The following BPTF variants were observed in gnomAD, a reference collection of about 807,000 sequenced individuals.
The protein encoded by BPTF is bromodomain PHD finger transcription factor.
BPTF carries 18 observed loss-of-function variants against 292.5 expected under a neutral mutation model. The observed-to-expected ratio is 0.06, with a 90% CI of 0.04 to 0.09. BPTF has a LOEUF of 0.09. Ranked by LOEUF, BPTF falls within the 10% of genes least tolerant of loss-of-function variation. The probability of loss-of-function intolerance (pLI) is 1.00; values close to 1 mark genes in which losing one functional copy is unlikely to be tolerated. For synonymous variants in BPTF, 1,225 were observed against 1,251.9 expected, an observed-to-expected ratio of 0.98 and a Z score of 0.45; for missense variants, 2,726 against 3,498.7, an observed-to-expected ratio of 0.78 and a Z score of 5.57.
chr17:67,952,406 G>A (rs1207078501), intron 23 of BPTF, among the ~76,000 whole-genome samples: 1 of 151,854 alleles, frequency 6.6e-6, no homozygotes, highest in Non-Finnish European at 1.5e-5. Context: ...TGGGATTACA[G>A]ACACCTGCTA....
At chr17:67,964,833 A>T (rs184172433) in intron 25 of BPTF, among the ~76,000 whole-genome samples, 4 of 150,782 alleles carry the variant, frequency 2.7e-5, no homozygotes, top group Admixed American at 2.7e-4. Context: ...CCCCGTCTCT[A>T]CTAAAAATAC....
intron 26 of BPTF, among the ~76,000 whole-genome samples, chr17:67,969,511 A>G (rs1001464682): frequency 6.8e-6 from 1 of 147,128 alleles, no homozygotes; most frequent in Non-Finnish European, 1.5e-5. Context: ...TCTTGTATGC[A>G]TGGGTGTTAA....
At chr17:67,859,930 T>G (rs1332913865) in intron 2 of BPTF, among the ~76,000 whole-genome samples, 1 of 152,232 alleles carries the variant, frequency 6.6e-6, no homozygotes, top group Non-Finnish European at 1.5e-5. Context: ...AGATGACTTT[T>G]TAAGTACCTG....
At chr17:67,847,211 GGCAAATAGAAA>G (rs1170212554) in intron 1 of BPTF, among the ~76,000 whole-genome samples, 1 of 152,036 alleles carries the variant, frequency 6.6e-6, no homozygotes, top group Non-Finnish European at 1.5e-5. Flanking sequence ...CACAATGTCT[GGCAAATAGAAA>G]GCACTCTCTA....
At chr17:67,877,938 T>A (rs554086413) in intron 4 of BPTF, among the ~76,000 whole-genome samples, 5 of 152,336 alleles carry the variant, frequency 3.3e-5, no homozygotes, top group Admixed American at 3.3e-4. Context: ...CCAGCAACTT[T>A]AAAAAATTGA....
In BPTF at chr17:67,843,754, C is replaced by CTTTTTTT. The variant is rs56335701; in HGVS notation, c.614-10164_614-10158dup. Among the ~76,000 whole-genome samples the CTTTTTTT allele has an allele frequency of 5.3e-4, 33 of 62,226 alleles. 4 individuals are homozygous for CTTTTTTT. Among genetic ancestry groups the CTTTTTTT allele is most frequent in the African/African-American group, 1.7e-3 (20 of 11,924 alleles). The allele number at this position is 62,226 out of a possible 152,430, so 40.8% of individuals were successfully genotyped here. A position where few individuals can be genotyped will look rare whatever the true frequency, so the allele number is the denominator to read the frequency against. Reference sequence around the variant, plus strand: ...TTTTTAAATTGTCTGGAGCAGTTGTCTTTTTTTTTTTTTTTTTTTTTTTTT... The same window carrying CTTTTTTT: ...TTTTTAAATTGTCTGGAGCAGTTGTCTTTTTTTTTTTTTTTTTTTTTTTTTTTTTTTT... On this transcript the variant is annotated intron_variant, in intron 1 of 27. Coordinates refer to ENST00000306378, the MANE Select transcript of BPTF (RefSeq NM_182641.4).
chr17:67,934,174 A>G (rs545858416), intron 18 of BPTF, among the ~76,000 whole-genome samples: 1 of 152,230 alleles, frequency 6.6e-6, no homozygotes, highest in Non-Finnish European at 1.5e-5. Context: ...TAGTAAAGCT[A>G]GAAATTAATA....
chr17:67,835,842 A>T (rs1034329675), intron 1 of BPTF, among the ~76,000 whole-genome samples: 1 of 151,510 alleles, frequency 6.6e-6, no homozygotes, highest in Admixed American at 6.6e-5. Context: ...ATTTTTTGTA[A>T]TTTTAGTAGA....
In BPTF at chr17:67,890,047, G is replaced by A. The variant is rs181874076; in HGVS notation, c.1865-1797G>A. 2.0e-3 allele frequency among the ~76,000 whole-genome samples: 304 copies of A among 152,158 alleles called. 1 individual carries two copies. The highest frequency in any genetic ancestry group is 6.8e-3 in the African/African-American group (282 of 41,502). ...TTTTAATTACCATACCTTAAAAATC[G>A]GGGCTGGAAATTTGTAGAAATTTCT... is the stretch of plus-strand genomic sequence containing the variant. On this transcript the variant is annotated intron_variant, in intron 4 of 27. Transcript: ENST00000306378.
In BPTF at chr17:67,957,135, T is replaced by C. The variant is rs1428546095; in HGVS notation, c.7927-2406T>C. 2.0e-5 allele frequency: 3 copies of C among 150,810 alleles called. No homozygotes were observed. In the East Asian group the frequency reaches 5.9e-4, roughly 30 times the overall value. The allele number at this position is 150,810 out of a possible 1,614,324, so 9.3% of individuals were successfully genotyped here. A position where few individuals can be genotyped will look rare whatever the true frequency, so the allele number is the denominator to read the frequency against. ...CCGTCTCTACTAAAAATACAAAAAT[T>C]AGCCGGGCGTGGTGGCACATGCCTG... On this transcript the variant is annotated intron_variant, in intron 23 of 27. Transcript: ENST00000306378.
At chr17:67,849,754 A>G (rs756283171) in intron 1 of BPTF, among the ~76,000 whole-genome samples, 1 of 152,210 alleles carries the variant, frequency 6.6e-6, no homozygotes, top group Admixed American at 6.5e-5. Flanking sequence ...CCTGGCCAAC[A>G]TGGGGAAACC....
intron 2 of BPTF, among the ~76,000 whole-genome samples, chr17:67,864,998 G>A (rs982492709): frequency 6.6e-6 from 1 of 151,900 alleles, no homozygotes; most frequent in Non-Finnish European, 1.5e-5. Context: ...AGTAGAGACC[G>A]GGTTTCACCG....
intron 23 of BPTF, chr17:67,956,804 A>T (rs1317139542): frequency 6.6e-6 from 1 of 152,030 alleles, no homozygotes; most frequent in Non-Finnish European, 1.5e-5. Context: ...TCTACTAAAA[A>T]TACAAAAAAA....
rs782657155 is a variant in BPTF, at chr17:67,964,231, C to T, written c.8281C>T (p.Arg2761Trp). The T allele has an allele frequency of 1.9e-6, 3 of 1,611,584 alleles. No homozygotes were observed. The highest frequency in any genetic ancestry group is 1.1e-5 in the South Asian group (1 of 90,992). The stretch of plus-strand genomic sequence containing the variant: ...TTGCAGATTTTATATTGGCTGTGAT[C>T]GGTGTCAGAATTGGTACCATGGGCG... ...DESKFYIGCD[R>W]CQNWYHGRCV... The change falls in exon 25 of 28, where the codon CGG (arginine) becomes TGG (tryptophan). Residue 2761 changes from arginine to tryptophan, a missense_variant. This residue lies in a region of BPTF where 48 missense variants were observed against 114.2 expected (regional missense o/e 0.42). Transcript: ENST00000306378.
chr17:67,901,349 A>G (rs952680590), intron 7 of BPTF, among the ~76,000 whole-genome samples: 4 of 151,692 alleles, frequency 2.6e-5, no homozygotes, highest in Non-Finnish European at 4.4e-5. Context: ...GAAAACGTCA[A>G]TAAGAAAGCA....
chr17:67,973,037 T>A (rs1426861313), intron 26 of BPTF, among the ~76,000 whole-genome samples: 4 of 143,090 alleles, frequency 2.8e-5, no homozygotes, highest in Non-Finnish European at 4.5e-5. Context: ...ATATATATAT[T>A]TATATATATA....
Position 67,866,520 on chromosome 17 carries a change from T to G in BPTF, c.1493T>G (p.Val498Gly). ...AAAATTTGGTATTACAGCACAAAGGTCCAACTTGCAGAATTAATTGACTGT... is the reference window on the plus strand; with the variant it reads ...AAAATTTGGTATTACAGCACAAAGGGCCAACTTGCAGAATTAATTGACTGT... ...EKKIWYYSTK[V>G]QLAELIDCLD... The change falls in exon 3 of 28, where the codon GTC (valine) becomes GGC (glycine). Residue 498 changes from valine (V) to glycine (G), a missense_variant. Val to Gly is a moderately radical substitution (Grantham distance 109). Transcript: ENST00000306378. 1 of 1,613,946 alleles carries G rather than the reference T, an allele frequency of 6.2e-7. No homozygotes were observed. The highest frequency in any genetic ancestry group is 8.5e-7 in the Non-Finnish European group (1 of 1,179,934).
At chr17:67,875,842 A>G (rs1212070189) in intron 4 of BPTF, 2 of 1,046,256 alleles carry the variant, frequency 1.9e-6, no homozygotes, top group Non-Finnish European at 1.2e-6. Flanking sequence ...CTATGTGTTC[A>G]TTCATGCTGC....
In BPTF at chr17:67,854,406, G is replaced by A. The variant is rs2058580928; in HGVS notation, c.1080G>A (p.Lys360=). 1.2e-6 allele frequency: 2 copies of A among 1,614,064 alleles called. No homozygotes were observed. Among genetic ancestry groups the A allele is most frequent in the African/African-American group, 1.3e-5 (1 of 74,920 alleles). Reference sequence around the variant, plus strand: ...ACCCATATGGACCAGTAGAGAACAAGATCAAAGTTCTACAGTTTCTAGTCG... The same window carrying A: ...ACCCATATGGACCAGTAGAGAACAAAATCAAAGTTCTACAGTTTCTAGTCG... ...EDYPYGPVEN[K]IKVLQFLVDQ... The change falls in exon 2 of 28, where the codon AAG becomes AAA. Residue 360 remains lysine, a synonymous_variant. Transcript: ENST00000306378. The surrounding 1 kb of genome is among the most constrained non-coding windows in gnomAD (Gnocchi z 5.6).
Sources: allele counts gnomAD v4.1 joint callset (sites outside exome capture counted in the v4.1 genomes callset), GRCh38; gene constraint gnomAD v4.1.1; regional missense constraint gnomAD v4.1.1; non-coding constraint Gnocchi (gnomAD v3.1); transcripts MANE v1.5; gene names NCBI Gene and HGNC (gene_info 2026-07-23, HGNC 2026-07-21).